TRIM5: variants seen among roughly 807,000 people sequenced by gnomAD.
The protein encoded by TRIM5 is tripartite motif containing 5.
In TRIM5, 31 loss-of-function variants were observed where a neutral mutation model predicts 35.6. The ratio of observed to expected loss-of-function variants is 0.87; its 90% CI spans 0.65 to 1.18. TRIM5 has a LOEUF of 1.18. Among genes scored for constraint, TRIM5 ranks in the 50% most tolerant of loss-of-function variants. The pLI is 0.00. For synonymous variants in TRIM5, 243 were observed against 215.6 expected, an observed-to-expected ratio of 1.13 and a Z score of -1.11; for missense variants, 609 against 591.6, an observed-to-expected ratio of 1.03 and a Z score of -0.31.
the TRIM5 span, among the ~76,000 whole-genome samples, chr11:5,657,476 A>C: frequency 1.5e-5 from 2 of 136,478 alleles, no homozygotes; most frequent in African/African-American, 5.2e-5. Context: ...TAAAATATTT[A>C]TATATAATGC....
At chr11:5,620,504 C>T in the TRIM5 span, among the ~76,000 whole-genome samples, 1 of 152,026 alleles carries the variant, frequency 6.6e-6, no homozygotes, top group Non-Finnish European at 1.5e-5. Flanking sequence ...TCCAGCCAAG[C>T]TTTTTTTCTC....
chr11:5,615,154 C>A, the TRIM5 span, among the ~76,000 whole-genome samples: 1 of 151,948 alleles, frequency 6.6e-6, no homozygotes, highest in Non-Finnish European at 1.5e-5. Flanking sequence ...GACTTGAATC[C>A]TTTTTAATTG....
the TRIM5 span, among the ~76,000 whole-genome samples, chr11:5,591,419 C>T: frequency 4.6e-5 from 7 of 152,102 alleles, no homozygotes; most frequent in Admixed American, 3.9e-4. Context: ...GAGGCCGAGG[C>T]GGGCAGATCA....
At chr11:5,598,165 C>G in the TRIM5 span, among the ~76,000 whole-genome samples, 1 of 152,166 alleles carries the variant, frequency 6.6e-6, no homozygotes, top group Admixed American at 6.5e-5. Flanking sequence ...CTCAGCCCGT[C>G]CACACTGCTC....
At chr11:5,621,391 C>A in the TRIM5 span, among the ~76,000 whole-genome samples, 1 of 152,186 alleles carries the variant, frequency 6.6e-6, no homozygotes, top group Non-Finnish European at 1.5e-5. Flanking sequence ...GAGGATATGA[C>A]CCTTGCCAAC....
chr11:5,621,851 C>A, the TRIM5 span, among the ~76,000 whole-genome samples: 148 of 152,224 alleles, frequency 9.7e-4, no homozygotes, highest in African/African-American at 2.8e-3. Flanking sequence ...CTTGAGTTGT[C>A]CTGCCTTTTC....
At chr11:5,607,747 G>A in the TRIM5 span, among the ~76,000 whole-genome samples, 1 of 152,172 alleles carries the variant, frequency 6.6e-6, no homozygotes, top group African/African-American at 2.4e-5. Context: ...TGATTCAGTA[G>A]GATGGAAGGG....
At position 5,676,899 on chromosome 11, in the gene TRIM5, T is replaced by G. The variant is rs1295999340; in HGVS notation, c.744+1305A>C. Among the ~76,000 whole-genome samples the G allele has an allele frequency of 4.4e-4, 66 of 149,838 alleles. No individual in the cohort carries two copies. In the East Asian group the frequency reaches 5.1e-3, roughly 12 times the overall value. ...TGGTGCTGGGAAAACTGGCTAGCCA[T>G]ATGTAGAAAGCTGAAACTGGATCCC... On this transcript the variant is annotated intron_variant, in intron 4 of 7. Transcript: ENST00000380034.
the TRIM5 span, chr11:5,641,094 T>TTTTTTTCTTTC: frequency 6.6e-7 from 1 of 1,516,848 alleles, no homozygotes; most frequent in Non-Finnish European, 8.9e-7. Flanking sequence ...TTTTTCCTAC[T>TTTTTTTCTTTC]GTTCTTCTTT....
At chr11:5,627,370 A>T in the TRIM5 span, among the ~76,000 whole-genome samples, 1 of 152,056 alleles carries the variant, frequency 6.6e-6, no homozygotes, top group Admixed American at 6.5e-5. Flanking sequence ...ACAAGAGCAA[A>T]ACTCCGTCTC....
intron 6 of TRIM5, 27 bp from the exon 7 acceptor site, chr11:5,665,709 G>C (rs762784149): frequency 2.5e-5 from 38 of 1,491,836 alleles, no homozygotes; most frequent in Non-Finnish European, 3.0e-5. Context: ...GCACAATATT[G>C]AATACAAACA....
At chr11:5,627,866 G>A in the TRIM5 span, among the ~76,000 whole-genome samples, 25 of 152,192 alleles carry the variant, frequency 1.6e-4, no homozygotes, top group African/African-American at 4.8e-4. Context: ...AAAGTCACTC[G>A]TAGAGACACT....
chr11:5,643,463 G>A, the TRIM5 span: 1 of 1,614,076 alleles, frequency 6.2e-7, no homozygotes, highest in Non-Finnish European at 8.5e-7. Flanking sequence ...ATAAATGTAA[G>A]TATGGTGTCT....
chr11:5,601,547 C>G, the TRIM5 span, among the ~76,000 whole-genome samples: 1 of 152,114 alleles, frequency 6.6e-6, no homozygotes, highest in African/African-American at 2.4e-5. Context: ...CACTTGAGGT[C>G]AGGAGTTCGA....
the TRIM5 span, among the ~76,000 whole-genome samples, chr11:5,606,766 A>G: frequency 0.023 from 3,529 of 152,248 alleles, 136 homozygotes; most frequent in African/African-American, 0.081. Context: ...GCTAGTTTAG[A>G]CACTTCCACA....
intron 5 of TRIM5, 24 bp from the exon 6 acceptor site, chr11:5,666,105 A>C (rs1326915435): frequency 7.0e-6 from 11 of 1,573,734 alleles, no homozygotes; most frequent in South Asian, 5.9e-5. Context: ...AAAAAAAAAA[A>C]AACTTCCAAA....
chr11:5,604,244 G>C, the TRIM5 span, among the ~76,000 whole-genome samples: 3 of 152,044 alleles, frequency 2.0e-5, no homozygotes, highest in African/African-American at 7.2e-5. Flanking sequence ...AAACTCCTGA[G>C]CTCAGGCAAT....
the TRIM5 span, chr11:5,611,859 T>C: frequency 6.4e-3 from 978 of 153,056 alleles, 9 homozygotes; most frequent in African/African-American, 0.023. Context: ...GCGCTTTCAG[T>C]ATTTTGCCAT....
the TRIM5 span, among the ~76,000 whole-genome samples, chr11:5,601,483 C>T: frequency 6.6e-6 from 1 of 152,200 alleles, no homozygotes; most frequent in Non-Finnish European, 1.5e-5. Context: ...CCAGGCTGGG[C>T]GCAGTGGCTC....
Sources: allele counts gnomAD v4.1 joint callset (sites outside exome capture counted in the v4.1 genomes callset), GRCh38; gene constraint gnomAD v4.1.1; transcripts MANE v1.5; gene names NCBI Gene and HGNC (gene_info 2026-07-23, HGNC 2026-07-21).